The following CWC25 variants were observed in gnomAD, a reference collection of about 807,000 sequenced individuals.
CWC25 encodes CWC25 spliceosome associated protein.
In CWC25, 31 loss-of-function variants were observed where a neutral mutation model predicts 54.6. The ratio of observed to expected loss-of-function variants is 0.57; its 90% CI spans 0.43 to 0.77. The LOEUF is 0.77. Among genes scored for constraint, CWC25 ranks in the 30% least tolerant of loss-of-function variants. The pLI is 0.00. For synonymous variants in CWC25, 151 were observed against 187.0 expected, an observed-to-expected ratio of 0.81 and a Z score of 1.57; for missense variants, 453 against 529.3, an observed-to-expected ratio of 0.86 and a Z score of 1.41.
At chr17:38,820,486 T>C (rs1911878353) in intron 2 of CWC25, among the ~76,000 whole-genome samples, 1 of 152,068 alleles carries the variant, frequency 6.6e-6, no homozygotes, top group Non-Finnish European at 1.5e-5. Context: ...CCTCACTCCC[T>C]GCCCCCTGTC....
intron 6 of CWC25, among the ~76,000 whole-genome samples, chr17:38,807,755 C>CAA (rs1408782738): frequency 0.034 from 2,832 of 82,454 alleles, 302 homozygotes; most frequent in African/African-American, 0.11. Flanking sequence ...GACCCTGTCT[C>CAA]AAAAAAAAAA....
chr17:38,811,670 T>C (rs1481231954), intron 4 of CWC25, among the ~76,000 whole-genome samples: 2 of 152,092 alleles, frequency 1.3e-5, no homozygotes, highest in Non-Finnish European at 1.5e-5. Flanking sequence ...AGGGGTTCCC[T>C]GTCAACACAC....
chr17:38,819,973 AT>A (rs140195715), intron 2 of CWC25, among the ~76,000 whole-genome samples: 30,886 of 151,952 alleles, frequency 0.2, 3,267 homozygotes, highest in Admixed American at 0.27. Flanking sequence ...TGCCTGGCTA[AT>A]TTTTTTCTAT....
chr17:38,803,980 G>A (rs568370418), intron 8 of CWC25, among the ~76,000 whole-genome samples: 2 of 152,240 alleles, frequency 1.3e-5, no homozygotes, highest in South Asian at 4.1e-4. Flanking sequence ...GGGAGTGTGA[G>A]GCTGCAGTAA....
chr17:38,810,720 C>T (rs967141470), intron 4 of CWC25, 125 bp from the exon 5 acceptor site: 23 of 668,232 alleles, frequency 3.4e-5, no homozygotes, highest in Admixed American at 2.8e-4. Flanking sequence ...GTCCGGAGTT[C>T]GAGACCAGCC....
chr17:38,814,794 A>C (rs1598074516), intron 3 of CWC25, 67 bp downstream of exon 3: 2 of 1,058,288 alleles, frequency 1.9e-6, no homozygotes, highest in South Asian at 3.0e-5. Context: ...AAAGCAAGAG[A>C]ATCAATGGCC....
chr17:38,802,286 G>C (rs1911059707), intron 9 of CWC25, 80 bp from the exon 10 acceptor site: 2 of 953,182 alleles, frequency 2.1e-6, no homozygotes, highest in Non-Finnish European at 3.3e-6. Context: ...GAAGAAATGG[G>C]TTGTTAGCCA....
chr17:38,816,047 A>T (rs1911684624), intron 2 of CWC25, among the ~76,000 whole-genome samples: 1 of 152,162 alleles, frequency 6.6e-6, no homozygotes, highest in Non-Finnish European at 1.5e-5. Flanking sequence ...ATCATGCCAC[A>T]CAAACATTTC....
At chr17:38,823,716 TC>T (rs1296961110) in intron 1 of CWC25, among the ~76,000 whole-genome samples, 5 of 152,046 alleles carry the variant, frequency 3.3e-5, no homozygotes, top group African/African-American at 1.2e-4. Context: ...CCTCCCTCAC[TC>T]CCTCCCTCTT....
Position 38,810,485 on chromosome 17 carries a change from A to T in CWC25, c.609T>A (p.Asp203Glu), listed in dbSNP as rs771882632. 53 of 1,598,102 alleles carry T rather than the reference A, an allele frequency of 3.3e-5. No homozygotes were observed. The highest frequency in any genetic ancestry group is 4.2e-5 in the Non-Finnish European group (49 of 1,172,288). Reference sequence around the variant, plus strand: ...ATGCTCACCTCCCTGCACTGTGCTCATCCTCGCTGCTGGAACGATCACTAC... The same window carrying T: ...ATGCTCACCTCCCTGCACTGTGCTCTTCCTCGCTGCTGGAACGATCACTAC... Reference protein sequence around the residue: ...SSSSDRSSSEDEHSAGRSQKK... With the variant: ...SSSSDRSSSEEEHSAGRSQKK... Residue 203 changes from aspartate to glutamate, a missense_variant, in exon 5 of 10, where the codon GAT (aspartate) becomes GAA (glutamate). Asp to Glu is a conservative substitution (Grantham distance 45). Around this residue, in one of 2 missense-constraint regions of CWC25, gnomAD observed 444 missense variants for 499.2 expected, o/e 0.89. Coordinates refer to ENST00000614790, the MANE Select transcript of CWC25 (RefSeq NM_017748.5).
At chr17:38,809,593 G>A in intron 6 of CWC25, 109 bp downstream of exon 6, 2 of 992,500 alleles carry the variant, frequency 2.0e-6, no homozygotes, top group Non-Finnish European at 3.0e-6. Flanking sequence ...GAATGGGCCT[G>A]TTTCCCAGCA....
At chr17:38,810,330 G>A (rs1347452768) in intron 5 of CWC25, 138 bp downstream of exon 5, 4 of 867,546 alleles carry the variant, frequency 4.6e-6, no homozygotes, top group Non-Finnish European at 6.8e-6. Flanking sequence ...TGGGCACTGG[G>A]CCCATGTTCA....
At chr17:38,811,791 C>A (rs1042319522) in intron 4 of CWC25, among the ~76,000 whole-genome samples, 15 of 152,122 alleles carry the variant, frequency 9.9e-5, no homozygotes, top group African/African-American at 3.6e-4. Flanking sequence ...AAAACCACTG[C>A]CTAGGAGTTT....
intron 2 of CWC25, among the ~76,000 whole-genome samples, chr17:38,817,377 G>A (rs1250172447): frequency 6.6e-6 from 1 of 150,832 alleles, no homozygotes; most frequent in African/African-American, 2.4e-5. Flanking sequence ...GGGGCCGGGC[G>A]CTGTGGCTCA....
In CWC25 at chr17:38,812,622, C is replaced by T. The variant is rs568870251; in HGVS notation, c.498+173G>A. 3.6e-4 allele frequency among the ~76,000 whole-genome samples: 55 copies of T among 151,460 alleles called. No homozygotes were observed. In the South Asian group the frequency reaches 0.011, roughly 29 times the overall value. The stretch of plus-strand genomic sequence containing the variant: ...AGCCTGGGCAACAAGATTGAAACTC[C>T]GTCTCAAAAACAAAAAAATGATTAC... On this transcript the variant is annotated intron_variant, in intron 4 of 9. Coordinates refer to ENST00000614790, the MANE Select transcript of CWC25 (RefSeq NM_017748.5).
chr17:38,809,843 T>A, intron 5 of CWC25, 78 bp from the exon 6 acceptor site: 2 of 1,342,872 alleles, frequency 1.5e-6, no homozygotes, highest in South Asian at 1.3e-5. Context: ...TGCTGAACTA[T>A]GCTTCTTGCC....
chr17:38,808,914 C>T (rs188647885), intron 6 of CWC25, among the ~76,000 whole-genome samples: 126 of 146,814 alleles, frequency 8.6e-4, no homozygotes, highest in South Asian at 1.5e-3. Flanking sequence ...CCATTGCACT[C>T]TAACCTGGGC....
chr17:38,819,204 C>CT (rs373219874), intron 2 of CWC25, among the ~76,000 whole-genome samples: 10,009 of 141,222 alleles, frequency 0.071, 701 homozygotes, highest in East Asian at 0.39. Context: ...TCCTTTCTTT[C>CT]TTTTTTTTTT....
rs1418956448 is a variant in CWC25 at position 38,815,109 on chromosome 17, G to A, written c.192-12C>T. ...TTTCTTCTTTTTTCCTGGTTCAAGG[G>A]AAGAAAAAGAAATACAATTTCTTTA... On this transcript the variant is annotated splice_polypyrimidine_tract_variant and intron_variant, in intron 2 of 9. Coordinates refer to ENST00000614790, the MANE Select transcript of CWC25 (RefSeq NM_017748.5). 6.2e-7 allele frequency: 1 copy of A among 1,600,992 alleles called. No individual in the cohort carries two copies. Among genetic ancestry groups the A allele is most frequent in the East Asian group, 2.2e-5 (1 of 44,760 alleles).
Sources: allele counts gnomAD v4.1 joint callset (sites outside exome capture counted in the v4.1 genomes callset), GRCh38; gene constraint gnomAD v4.1.1; regional missense constraint gnomAD v4.1.1; transcripts MANE v1.5; gene names NCBI Gene and HGNC (gene_info 2026-07-23, HGNC 2026-07-21).